The following TCF7L2 variants were observed in gnomAD, a reference collection of about 807,000 sequenced individuals.
TCF7L2 encodes the protein transcription factor 7-like 2.
TCF7L2 carries 23 observed loss-of-function variants against 77.9 expected under a neutral mutation model. The ratio of observed to expected loss-of-function variants is 0.30; its 90% CI spans 0.21 to 0.42. TCF7L2 has a LOEUF of 0.42. Ranked by LOEUF, TCF7L2 falls within the 10% of genes least tolerant of loss-of-function variation. The pLI is 1.00. For missense variants in TCF7L2, 654 were observed against 793.1 expected, an observed-to-expected ratio of 0.82 and a Z score of 2.11; for synonymous variants, 413 against 340.2, an observed-to-expected ratio of 1.21 and a Z score of -2.36.
intron 1 of TCF7L2, 75 bp from the exon 2 acceptor site, chr10:112,951,132 T>C (rs2030946354): frequency 1.7e-6 from 2 of 1,193,098 alleles, no homozygotes; most frequent in Non-Finnish European, 2.3e-6. Context: ...ACCTCGCCGA[T>C]TCTTTTTCTC....
At chr10:113,103,679 A>G (rs936285538) in intron 5 of TCF7L2, among the ~76,000 whole-genome samples, 5 of 152,094 alleles carry the variant, frequency 3.3e-5, no homozygotes, top group Admixed American at 2.6e-4. Flanking sequence ...TCTGGGAGGA[A>G]ACTCACATTT....
chr10:113,098,456 C>G (rs1241815487), intron 5 of TCF7L2, among the ~76,000 whole-genome samples: 1 of 151,910 alleles, frequency 6.6e-6, no homozygotes, highest in Non-Finnish European at 1.5e-5. Context: ...CCTGTAATCC[C>G]AGCACTTTGG....
At chr10:113,016,263 T>C (rs771375563) in intron 4 of TCF7L2, among the ~76,000 whole-genome samples, 1 of 152,102 alleles carries the variant, frequency 6.6e-6, no homozygotes, top group African/African-American at 2.4e-5. Context: ...GATTGGGTTT[T>C]GCCGTGTTGT....
intron 5 of TCF7L2, among the ~76,000 whole-genome samples, chr10:113,115,803 A>G (rs977514037): frequency 6.6e-6 from 1 of 151,870 alleles, no homozygotes; most frequent in African/African-American, 2.4e-5. Context: ...CCCGTCCACA[A>G]CCTGTGGTCA....
chr10:113,060,155 A>G (rs1591149000), intron 5 of TCF7L2, among the ~76,000 whole-genome samples: 1 of 152,370 alleles, frequency 6.6e-6, no homozygotes, highest in South Asian at 2.1e-4. Flanking sequence ...GGAATTTTAA[A>G]AAACAAAATG....
At chr10:113,063,893 C>CATGTGT (rs139112555) in intron 5 of TCF7L2, among the ~76,000 whole-genome samples, 4 of 147,056 alleles carry the variant, frequency 2.7e-5, no homozygotes, top group African/African-American at 7.6e-5. Context: ...ATGGATGTGG[C>CATGTGT]GTGTGTGTGT....
At chr10:113,052,960 A>G (rs746910693) in intron 5 of TCF7L2, among the ~76,000 whole-genome samples, 4 of 152,202 alleles carry the variant, frequency 2.6e-5, no homozygotes, top group Non-Finnish European at 4.4e-5. Context: ...TTTTAAAAAG[A>G]TACAAACGAA....
chr10:113,040,920 A>G (rs1053784379), intron 5 of TCF7L2, among the ~76,000 whole-genome samples: 3 of 152,272 alleles, frequency 2.0e-5, no homozygotes, highest in African/African-American at 7.2e-5. Context: ...GCATATTTTT[A>G]TAATGAATCC....
intron 12 of TCF7L2, among the ~76,000 whole-genome samples, chr10:113,158,952 G>A (rs1299344401): frequency 6.8e-6 from 1 of 146,094 alleles, no homozygotes; most frequent in East Asian, 2.0e-4. Flanking sequence ...TGTTTAAGCA[G>A]TGATGACAGT....
At chr10:113,049,852 A>T (rs539517832) in intron 5 of TCF7L2, among the ~76,000 whole-genome samples, 1 of 152,266 alleles carries the variant, frequency 6.6e-6, no homozygotes, top group Non-Finnish European at 1.5e-5. Flanking sequence ...CCATGCTTCG[A>T]GTGGAGCTTT....
At chr10:113,157,029 G>C (rs1041077148) in intron 11 of TCF7L2, among the ~76,000 whole-genome samples, 5 of 152,172 alleles carry the variant, frequency 3.3e-5, no homozygotes, top group South Asian at 2.1e-4. Context: ...TGGGAGGAGT[G>C]GTATCATCCT....
intron 5 of TCF7L2, among the ~76,000 whole-genome samples, chr10:113,099,976 A>ATAACT (rs2135862818): frequency 6.6e-6 from 1 of 152,260 alleles, no homozygotes; most frequent in South Asian, 2.1e-4. Context: ...CCACGCAAGT[A>ATAACT]CCCCAGCTTT....
rs781224903 is a variant in TCF7L2, at chr10:112,950,867, A to G, written c.111A>G (p.Ala37=). The change falls in exon 1 of 14, where the codon GCA becomes GCG. Residue 37 remains alanine (A), a synonymous_variant. Coordinates refer to ENST00000627217, the MANE Select transcript of TCF7L2 (RefSeq NM_001146274.2). The stretch of plus-strand genomic sequence containing the variant: ...AGAAGAGCTCCGAAAACTCCTCGGC[A>G]GAGAGGGATTTAGCTGATGTCAAAT... 8 of 1,611,778 alleles carry G rather than the reference A, an allele frequency of 5.0e-6. No homozygotes were observed. The highest frequency in any genetic ancestry group is 2.5e-6 in the Non-Finnish European group (3 of 1,179,156).
At chr10:112,951,343 G>T (rs976962602) in intron 2 of TCF7L2, 70 bp downstream of exon 2, 1 of 978,576 alleles carries the variant, frequency 1.0e-6, no homozygotes, top group Non-Finnish European at 1.2e-6. Flanking sequence ...GCGCGCCCCG[G>T]CCCCGCGCCC....
At chr10:112,977,361 G>C (rs184804760) in intron 4 of TCF7L2, among the ~76,000 whole-genome samples, 75 of 152,332 alleles carry the variant, frequency 4.9e-4, no homozygotes, top group Admixed American at 1.6e-3. Flanking sequence ...AGTTGATTCA[G>C]TAAGCATTGT....
At chr10:113,034,901 T>TATG (rs2050884876) in intron 4 of TCF7L2, among the ~76,000 whole-genome samples, 1 of 152,000 alleles carries the variant, frequency 6.6e-6, no homozygotes. Context: ...ATCTCAAAAA[T>TATG]ACCATAATTC....
chr10:113,063,973 G>T (rs1392305936), intron 5 of TCF7L2, among the ~76,000 whole-genome samples: 2 of 151,774 alleles, frequency 1.3e-5, no homozygotes, highest in African/African-American at 4.8e-5. Flanking sequence ...ATTCAAGGAG[G>T]TTCCTAAAAG....
At chr10:113,146,616 T>G (rs1243094029) in intron 8 of TCF7L2, among the ~76,000 whole-genome samples, 2 of 151,288 alleles carry the variant, frequency 1.3e-5, no homozygotes, top group Non-Finnish European at 2.9e-5. Flanking sequence ...TTTAAAAAAG[T>G]TTTTGTTTTT....
chr10:113,155,655 C>T (rs894716561), intron 11 of TCF7L2, among the ~76,000 whole-genome samples: 21 of 152,208 alleles, frequency 1.4e-4, no homozygotes, highest in Admixed American at 6.5e-4. Flanking sequence ...CTTTTTCACA[C>T]ATGGCTGAGA....
Sources: allele counts gnomAD v4.1 joint callset (sites outside exome capture counted in the v4.1 genomes callset), GRCh38; gene constraint gnomAD v4.1.1; transcripts MANE v1.5; gene names NCBI Gene and HGNC (gene_info 2026-07-23, HGNC 2026-07-21).